PTPRQ: variants seen among roughly 807,000 people sequenced by gnomAD.
PTPRQ encodes phosphatidylinositol phosphatase PTPRQ.
A neutral mutation model predicts 246.0 loss-of-function variants in PTPRQ; 199 were observed. That is an observed-to-expected ratio of 0.81 (90% CI 0.72 to 0.91). The LOEUF (loss-of-function observed/expected upper bound fraction) is 0.91. Ranked by LOEUF, PTPRQ falls within the 40% of genes least tolerant of loss-of-function variation. PTPRQ has a pLI of 0.00. For synonymous variants in PTPRQ, 869 were observed against 853.2 expected (o/e 1.02, Z -0.32); for missense variants, 2,624 against 2,528.4 (o/e 1.04, Z -0.81).
chr12:80,548,206 A>G (rs1471472768), intron 24 of PTPRQ, among the ~76,000 whole-genome samples: 1 of 152,154 alleles, frequency 6.6e-6, no homozygotes, highest in African/African-American at 2.4e-5. Flanking sequence ...TTAAATAAAT[A>G]AAATTTTCAC....
chr12:80,569,190 C>T (rs565394732), intron 25 of PTPRQ, among the ~76,000 whole-genome samples: 1 of 146,614 alleles, frequency 6.8e-6, no homozygotes, highest in South Asian at 2.1e-4. Context: ...CAATTCCCAC[C>T]TATGAGTGAG....
intron 35 of PTPRQ, among the ~76,000 whole-genome samples, chr12:80,640,359 G>C (rs750991656): frequency 2.0e-5 from 3 of 152,130 alleles, no homozygotes; most frequent in Non-Finnish European, 2.9e-5. Flanking sequence ...CATTTTAAGT[G>C]TCATCATTCT....
chr12:80,660,802 A>T (rs1900604018), intron 39 of PTPRQ, among the ~76,000 whole-genome samples: 1 of 152,068 alleles, frequency 6.6e-6, no homozygotes, highest in African/African-American at 2.4e-5. Flanking sequence ...ATGACAAGAG[A>T]TACATTTTAT....
chr12:80,588,870 G>A (rs888836923), intron 26 of PTPRQ, among the ~76,000 whole-genome samples: 2 of 152,056 alleles, frequency 1.3e-5, no homozygotes, highest in African/African-American at 2.4e-5. Flanking sequence ...ACACACACAC[G>A]TGTGACCACA....
chr12:80,586,711 G>C (rs1256943576), intron 25 of PTPRQ: 1 of 152,004 alleles, frequency 6.6e-6, no homozygotes, highest in African/African-American at 2.4e-5. Context: ...ACTACAGTTG[G>C]CCCTCCAAAT....
chr12:80,679,102 G>T lies in PTPRQ; in HGVS notation c.*79G>T. On this transcript the variant is annotated 3_prime_UTR_variant, in exon 45 of 45. Transcript: ENST00000644991. ...AGTTACCCCCTCATTCTTCCGAATT[G>T]AAATGTGCAACCTTAAAGAAATATC... The T allele has an allele frequency of 2.0e-6, 3 of 1,496,500 alleles. No individual in the cohort carries two copies. Among genetic ancestry groups the T allele is most frequent in the South Asian group, 2.7e-5 (2 of 75,096 alleles). The allele number at this position is 1,496,500 out of a possible 1,614,324, so 92.7% of individuals were successfully genotyped here.
At chr12:80,654,227 T>A (rs1337989910) in intron 38 of PTPRQ, among the ~76,000 whole-genome samples, 2 of 152,180 alleles carry the variant, frequency 1.3e-5, no homozygotes, top group Non-Finnish European at 2.9e-5. Context: ...CCCAAGTAGC[T>A]GGGATTACAG....
chr12:80,591,600 G>GA (rs557629955), intron 26 of PTPRQ, among the ~76,000 whole-genome samples: 13 of 152,216 alleles, frequency 8.5e-5, no homozygotes, highest in African/African-American at 2.6e-4. Flanking sequence ...CAAAAATATA[G>GA]AAAAAATTCA....
chr12:80,619,623 G>T, intron 31 of PTPRQ, 81 bp downstream of exon 31: 4 of 1,221,338 alleles, frequency 3.3e-6, no homozygotes, highest in Non-Finnish European at 4.2e-6. Flanking sequence ...TTCAAATTAA[G>T]ATTGACTCCC....
intron 33 of PTPRQ, among the ~76,000 whole-genome samples, chr12:80,628,321 C>T (rs1899282851): frequency 1.3e-5 from 2 of 152,074 alleles, no homozygotes; most frequent in Non-Finnish European, 2.9e-5. Context: ...AGTATTTATT[C>T]AAATCCACCA....
At chr12:80,473,669 T>C (rs1156731631) in intron 8 of PTPRQ, among the ~76,000 whole-genome samples, 2 of 152,218 alleles carry the variant, frequency 1.3e-5, no homozygotes, top group Non-Finnish European at 2.9e-5. Context: ...AAATAGATAA[T>C]GCATATGCTG....
chr12:80,642,936 A>AAAC (rs1565837023), intron 35 of PTPRQ, among the ~76,000 whole-genome samples: 10 of 148,318 alleles, frequency 6.7e-5, no homozygotes, highest in African/African-American at 2.0e-4. Flanking sequence ...AAAAAAAAAA[A>AAAC]AAAAAAAAAA....
At chr12:80,668,600 T>G (rs1473181883) in intron 39 of PTPRQ, among the ~76,000 whole-genome samples, 1 of 151,946 alleles carries the variant, frequency 6.6e-6, no homozygotes, top group Non-Finnish European at 1.5e-5. Flanking sequence ...TTACTTCACC[T>G]TTCTAAGCTT....
chr12:80,484,900 T>C (rs1348906415), intron 9 of PTPRQ, among the ~76,000 whole-genome samples: 3 of 152,202 alleles, frequency 2.0e-5, no homozygotes, highest in Non-Finnish European at 4.4e-5. Context: ...AGTTAATGAA[T>C]TGTTCGGAAA....
In PTPRQ at chr12:80,652,627, G is replaced by A. The variant is rs544481040; in HGVS notation, c.6025-117G>A. ...TGACCTTGTTTCCACAGTTATGATA[G>A]GTGTTTTTAATTTAAAAATTAAAAA... is the stretch of plus-strand genomic sequence containing the variant. On this transcript the variant is annotated intron_variant, in intron 37 of 44. Coordinates refer to ENST00000644991, the MANE Select transcript of PTPRQ (RefSeq NM_001145026.2). 7.5e-4 allele frequency: 737 copies of A among 983,714 alleles called. 13 individuals carry two copies. Among genetic ancestry groups the A allele is most frequent in the Middle Eastern group, 4.5e-3 (13 of 2,866 alleles). 60.9% of individuals were successfully genotyped at this position (983,714 alleles called of 1,614,324 possible).
intron 4 of PTPRQ, among the ~76,000 whole-genome samples, chr12:80,458,914 G>A (rs1893060091): frequency 6.6e-6 from 1 of 152,050 alleles, no homozygotes; most frequent in Non-Finnish European, 1.5e-5. Context: ...GAAAATGGTT[G>A]TATAATTGAT....
chr12:80,468,967 A>C (rs981199691), intron 7 of PTPRQ, 129 bp downstream of exon 7: 119 of 1,306,142 alleles, frequency 9.1e-5, no homozygotes, highest in Non-Finnish European at 9.3e-5. Flanking sequence ...AACAATAGGA[A>C]AGTCATAAGG....
intron 8 of PTPRQ, among the ~76,000 whole-genome samples, chr12:80,474,629 G>GA (rs957359923): frequency 1.3e-5 from 2 of 151,606 alleles, no homozygotes; most frequent in Non-Finnish European, 2.9e-5. Context: ...AATGATTTTG[G>GA]AAAAAAAAGA....
chr12:80,483,292 C>T (rs1289406449), intron 8 of PTPRQ, among the ~76,000 whole-genome samples: 6 of 142,280 alleles, frequency 4.2e-5, no homozygotes, highest in East Asian at 2.1e-4. Flanking sequence ...AACCAAACGC[C>T]GCATATTCTC....
Sources: gnomAD v4.1 joint callset for allele counts (sites outside exome capture counted in the v4.1 genomes callset) on GRCh38, gnomAD v4.1.1 for gene constraint, MANE v1.5 for transcripts, NCBI Gene and HGNC (gene_info 2026-07-23, HGNC 2026-07-21) for gene names.